The following HK1 variants were observed in gnomAD, a reference collection of about 807,000 sequenced individuals.
HK1 encodes hexokinase-1.
In HK1, 28 loss-of-function variants were observed where a neutral mutation model predicts 91.6. That is an observed-to-expected ratio of 0.31 (90% CI 0.23 to 0.42). The LOEUF is 0.42. HK1 is among the 10% of genes least tolerant of loss of function. The pLI, the probability that HK1 is intolerant of heterozygous loss-of-function variation, is 1.00. For synonymous variants in HK1, 430 were observed against 468.1 expected, an observed-to-expected ratio of 0.92 and a Z score of 1.05; for missense variants, 770 against 1,219.8, an observed-to-expected ratio of 0.63 and a Z score of 5.49.
At position 69,285,252 on chromosome 10, in the gene HK1, G is replaced by T. The variant is rs377083847; in HGVS notation, c.-215+2548G>T. Among the ~76,000 whole-genome samples the T allele has an allele frequency of 7.2e-4, 110 of 152,070 alleles. 1 individual carries two copies. In the East Asian group the frequency reaches 0.019, roughly 27 times the overall value. Reference sequence around the variant, plus strand: ...GATCGAGACCATCCTGGCTAACATGGTCTCTACTGAAAATACAAAAAATTA... The same window carrying T: ...GATCGAGACCATCCTGGCTAACATGTTCTCTACTGAAAATACAAAAAATTA... On this transcript the variant is annotated intron_variant, in intron 2 of 21. Transcript: ENST00000360289.
chr10:69,278,394 C>T (rs746915931), intron 1 of HK1: 1 of 152,226 alleles, frequency 6.6e-6, no homozygotes, highest in Non-Finnish European at 1.5e-5. Context: ...CATTTTCCTC[C>T]GGTAGCTGCT....
intron 1 of HK1, among the ~76,000 whole-genome samples, chr10:69,275,966 T>C (rs917107581): frequency 4.6e-5 from 7 of 150,910 alleles, no homozygotes; most frequent in Admixed American, 4.6e-4. Context: ...GCCAGGTGCC[T>C]GCAATCCCAG....
intron 8 of HK1, among the ~76,000 whole-genome samples, chr10:69,378,781 T>C (rs1425899381): frequency 1.3e-5 from 2 of 152,234 alleles, no homozygotes; most frequent in Non-Finnish European, 2.9e-5. Context: ...TTCTCTCATA[T>C]TTTTTGGTCA....
At chr10:69,313,456 A>C (rs1364985905), upstream of HK1, among the ~76,000 whole-genome samples, 1 of 152,008 alleles carries the variant, frequency 6.6e-6, no homozygotes, top group Non-Finnish European at 1.5e-5. Flanking sequence ...TATTTTATTT[A>C]TTTTATTACT....
chr10:69,331,864 C>A (rs1047299961), intron 1 of HK1, among the ~76,000 whole-genome samples: 1 of 151,512 alleles, frequency 6.6e-6, no homozygotes, highest in Non-Finnish European at 1.5e-5. Context: ...GGTGATGGAG[C>A]CAAGACCTTG....
intron 5 of HK1, among the ~76,000 whole-genome samples, chr10:69,307,320 T>A (rs935874093): frequency 6.6e-6 from 1 of 152,106 alleles, no homozygotes; most frequent in African/African-American, 2.4e-5. Flanking sequence ...AACCCACTTA[T>A]AGCCCCTCTG....
intron 2 of HK1, among the ~76,000 whole-genome samples, chr10:69,359,538 G>A (rs1051752856): frequency 6.6e-5 from 10 of 152,164 alleles, no homozygotes; most frequent in African/African-American, 2.4e-4. Context: ...AATGCGGTGT[G>A]ATTTTTTATT....
chr10:69,395,959 G>C (rs1480151758), intron 16 of HK1, among the ~76,000 whole-genome samples: 1 of 152,114 alleles, frequency 6.6e-6, no homozygotes, highest in East Asian at 1.9e-4. Context: ...TTCTTAGAAT[G>C]GTCATAATAA....
chr10:69,319,984 C>T (rs1846912701), intron 1 of HK1, among the ~76,000 whole-genome samples: 1 of 152,128 alleles, frequency 6.6e-6, no homozygotes, highest in Non-Finnish European at 1.5e-5. Context: ...GATGGACTGG[C>T]AAAGTCATCT....
At chr10:69,342,221 CT>C (rs1848329694) in intron 1 of HK1, among the ~76,000 whole-genome samples, 2 of 151,800 alleles carry the variant, frequency 1.3e-5, no homozygotes, top group African/African-American at 4.8e-5. Context: ...GTGTTAAGGT[CT>C]TTTCAGCCTT....
At chr10:69,323,715 G>A (rs1013792312) in intron 1 of HK1, among the ~76,000 whole-genome samples, 1 of 152,088 alleles carries the variant, frequency 6.6e-6, no homozygotes, top group African/African-American at 2.4e-5. Context: ...GGATAGTTTG[G>A]GAATGTCATG....
intron 13 of HK1, 149 bp downstream of exon 13, chr10:69,386,567 A>G (rs1360264702): frequency 3.5e-6 from 2 of 565,798 alleles, no homozygotes; most frequent in African/African-American, 3.8e-5. Context: ...GTGGATCATG[A>G]GGTCAGGAGT....
intron 15 of HK1, 78 bp downstream of exon 15, chr10:69,392,386 A>C: frequency 2.7e-6 from 4 of 1,475,382 alleles, no homozygotes; most frequent in Non-Finnish European, 3.8e-6. Flanking sequence ...CTTGCAGTGG[A>C]AGAAGTTTCT....
At chr10:69,294,990 C>CCG (rs112275755) in intron 3 of HK1, among the ~76,000 whole-genome samples, 3,868 of 148,212 alleles carry the variant, frequency 0.026, 75 homozygotes, top group East Asian at 0.068. Flanking sequence ...AATCATGCCA[C>CCG]CGCACTCCAA....
chr10:69,370,967 A>G lies in HK1; in HGVS notation c.875+1343A>G, dbSNP rs529101272. Among the ~76,000 whole-genome samples, 4 of 152,256 alleles carry G rather than the reference A, an allele frequency of 2.6e-5. No homozygotes were observed. In the South Asian group the frequency reaches 8.3e-4, roughly 32 times the overall value. Reference sequence around the variant, plus strand: ...CAGCAGCCTTATCCCAGAGTTGGATACTGTCAACCTACAGAGAGATGTTCA... The same window carrying G: ...CAGCAGCCTTATCCCAGAGTTGGATGCTGTCAACCTACAGAGAGATGTTCA... On this transcript the variant is annotated intron_variant, in intron 7 of 17. Coordinates refer to ENST00000359426, the MANE Select transcript of HK1 (RefSeq NM_000188.3).
chr10:69,338,769 A>G, intron 1 of HK1: 1 of 1,109,616 alleles, frequency 9.0e-7, no homozygotes, highest in Non-Finnish European at 1.2e-6. Context: ...GAGATTGTGT[A>G]TGTGAGAGTG....
At chr10:69,294,612 T>G (rs561149495) in intron 3 of HK1, among the ~76,000 whole-genome samples, 3 of 152,158 alleles carry the variant, frequency 2.0e-5, no homozygotes, top group Non-Finnish European at 4.4e-5. Context: ...ATCCCAGCAC[T>G]TGGGAAGCTG....
intron 4 of HK1, among the ~76,000 whole-genome samples, chr10:69,366,041 G>C (rs529679225): frequency 6.6e-6 from 1 of 152,090 alleles, no homozygotes; most frequent in South Asian, 2.1e-4. Flanking sequence ...ATCTTGGCCA[G>C]GCTGGTCTCA....
intron 1 of HK1, among the ~76,000 whole-genome samples, chr10:69,343,074 C>T (rs760465148): frequency 5.3e-5 from 8 of 152,216 alleles, no homozygotes; most frequent in Non-Finnish European, 7.4e-5. Context: ...CACACAGGCC[C>T]GGCACATGGG....
Sources: allele counts gnomAD v4.1 joint callset (sites outside exome capture counted in the v4.1 genomes callset), GRCh38; gene constraint gnomAD v4.1.1; transcripts MANE v1.5; gene names NCBI Gene and HGNC (gene_info 2026-07-23, HGNC 2026-07-21).